PRSS57: variants seen among roughly 807,000 people sequenced by gnomAD.
PRSS57 encodes the protein serine protease 57, also known as neutrophil serine protease 4.
In PRSS57, 19 loss-of-function variants were observed where a neutral mutation model predicts 20.6. The ratio of observed to expected loss-of-function variants is 0.92; its 90% CI spans 0.64 to 1.35. The LOEUF (loss-of-function observed/expected upper bound fraction) is 1.35, where lower values mean the gene tolerates loss of function less well. PRSS57 is among the 40% of genes most tolerant of loss of function. The pLI is 0.00. For missense variants in PRSS57, 440 were observed against 403.7 expected, an observed-to-expected ratio of 1.09 and a Z score of -0.77; for synonymous variants, 203 against 176.6, an observed-to-expected ratio of 1.15 and a Z score of -1.19.
intron 3 of PRSS57, among the ~76,000 whole-genome samples, chr19:689,476 C>T (rs66502878): frequency 0.23 from 35,347 of 151,768 alleles, 4,405 homozygotes; most frequent in East Asian, 0.33. Context: ...ATGGCCCATC[C>T]GGGAGGTCTG....
intron 3 of PRSS57, among the ~76,000 whole-genome samples, chr19:689,750 C>T (rs2031585066): frequency 6.6e-6 from 1 of 152,110 alleles, no homozygotes; most frequent in Non-Finnish European, 1.5e-5. Flanking sequence ...GAAACCCCGT[C>T]TCTACTAAAA....
At chr19:695,321 G>A (rs1031153627) in intron 1 of PRSS57, 31 bp downstream of exon 1, 14 of 1,119,218 alleles carry the variant, frequency 1.3e-5, no homozygotes, top group South Asian at 4.3e-5. Context: ...CTTGGCGGGG[G>A]CCTGGGTGGG....
At chr19:688,440 A>C (rs532666359) in intron 3 of PRSS57, among the ~76,000 whole-genome samples, 5 of 150,306 alleles carry the variant, frequency 3.3e-5, no homozygotes, top group African/African-American at 1.2e-4. Flanking sequence ...TCCCGGGTTC[A>C]AGCGATTCTC....
At chr19:687,722 C>T (rs547202950) in intron 3 of PRSS57, among the ~76,000 whole-genome samples, 1 of 152,214 alleles carries the variant, frequency 6.6e-6, no homozygotes, top group South Asian at 2.1e-4. Context: ...GTCTTTCAAA[C>T]TCCATCTCCT....
At chr19:685,944 G>C (rs752239340) in intron 4 of PRSS57, 22 bp from the exon 5 acceptor site, 25 of 1,517,170 alleles carry the variant, frequency 1.6e-5, no homozygotes, top group African/African-American at 2.8e-5. Context: ...GGAGAGGTGA[G>C]GTCAGGGCCT....
chr19:694,688 T>A, intron 2 of PRSS57, 126 bp downstream of exon 2: 2 of 1,115,454 alleles, frequency 1.8e-6, no homozygotes, highest in Non-Finnish European at 1.2e-6. Flanking sequence ...GCCCTTTAAA[T>A]CCAGCCCCTG....
intron 3 of PRSS57, 53 bp downstream of exon 3, chr19:691,805 C>G: frequency 1.5e-6 from 2 of 1,308,476 alleles, no homozygotes; most frequent in Non-Finnish European, 2.0e-6. Flanking sequence ...AGCGACAGAG[C>G]GAGAGACTGT....
chr19:695,371 C>T lies in PRSS57; in HGVS notation c.60G>A (p.Met20Ile), dbSNP rs768346096. 11 of 1,281,168 alleles carry T rather than the reference C, an allele frequency of 8.6e-6. No individual in the cohort carries two copies. The African/African-American group carries it at 1.2e-4, about 14-fold the overall frequency. 79.4% of individuals were successfully genotyped at this position (1,281,168 alleles called of 1,614,324 possible). ...CCTCACCGGGGGGCTTCACGGGCAG[C>T]ATCAGGGCGGTGGCCACAGTCAGCA... ...RPLLTVATAL[M>I]LPVKPPGSWG... is the part of the protein sequence containing the mutation. Residue 20 changes from methionine (M) to isoleucine (I), a missense_variant, in exon 1 of 5, where the codon ATG becomes ATA. Physicochemically the swap from Met to Ile is conservative, Grantham distance 10. Coordinates refer to ENST00000329267, the MANE Select transcript of PRSS57 (RefSeq NM_001308209.2).
chr19:688,397 G>A (rs957166781), intron 3 of PRSS57, among the ~76,000 whole-genome samples: 1 of 148,778 alleles, frequency 6.7e-6, no homozygotes, highest in Non-Finnish European at 1.5e-5. Flanking sequence ...CTGGAATGCA[G>A]TGGCGCAATC....
chr19:688,483 G>T (rs760046850), intron 3 of PRSS57, among the ~76,000 whole-genome samples: 2 of 140,126 alleles, frequency 1.4e-5, no homozygotes, highest in Non-Finnish European at 3.1e-5. Flanking sequence ...ATTTTGGGAT[G>T]CTGGGTAGAA....
chr19:693,886 C>G (rs1211690438), intron 2 of PRSS57, among the ~76,000 whole-genome samples: 2 of 152,114 alleles, frequency 1.3e-5, no homozygotes, highest in African/African-American at 2.4e-5. Context: ...ACTACAGGCG[C>G]CTGCCACCAC....
chr19:691,814 G>C (rs373226983), intron 3 of PRSS57, 44 bp downstream of exon 3: 1 of 1,317,624 alleles, frequency 7.6e-7, no homozygotes, highest in Non-Finnish European at 9.8e-7. Context: ...GCGAGAGACT[G>C]TCTCAAAAAC....
intron 3 of PRSS57, among the ~76,000 whole-genome samples, chr19:691,336 TCTA>T (rs1398513015): frequency 6.6e-6 from 1 of 151,104 alleles, no homozygotes; most frequent in Non-Finnish European, 1.5e-5. Context: ...AAACCCCATC[TCTA>T]CTAAAAACAC....
Position 687,153 on chromosome 19 carries a change from C to T in PRSS57, c.414G>A (p.Gly138=). The T allele has an allele frequency of 6.3e-7, 1 of 1,593,776 alleles. No homozygotes were observed. The highest frequency in any genetic ancestry group is 8.5e-7 in the Non-Finnish European group (1 of 1,169,904). ...CCCTTCTCCCTGGCGGCCTCAGCAGCCCCACTGCAGGGCCCAGGACAGCAG... is the reference window on the plus strand; with the variant it reads ...CCCTTCTCCCTGGCGGCCTCAGCAGTCCCACTGCAGGGCCCAGGACAGCAG... The part of the protein sequence containing the change: ...NGSAVLGPAV[G]LLRPPGRRAR... Residue 138 remains glycine, a synonymous_variant, in exon 4 of 5, where the codon GGG becomes GGA. Coordinates refer to ENST00000329267, the MANE Select transcript of PRSS57 (RefSeq NM_001308209.2).
rs779650469 is a variant in PRSS57, at chr19:694,940, C to A, written c.107G>T (p.Gly36Val). Residue 36 changes from glycine (G) to valine (V), a missense_variant, in exon 2 of 5, where the codon GGC becomes GTC. By Grantham distance (109) the Gly-to-Val change is moderately radical. Coordinates refer to ENST00000329267, the MANE Select transcript of PRSS57 (RefSeq NM_001308209.2). ...PGSWGAQIIGGHEVTPHSRPY... is the reference protein window; with the variant it reads ...PGSWGAQIIGVHEVTPHSRPY... ...CCTGGAGTGGGGGGTCACCTCGTGG[C>A]CCCCGATGATCTGGGCCCCCCAGGA... The A allele has an allele frequency of 3.2e-6, 5 of 1,572,360 alleles. No individual in the cohort carries two copies. Among genetic ancestry groups the A allele is most frequent in the East Asian group, 4.6e-5 (2 of 43,144 alleles).
intron 2 of PRSS57, among the ~76,000 whole-genome samples, chr19:693,230 C>CTTT (rs71174316): frequency 3.8e-5 from 5 of 131,692 alleles, no homozygotes; most frequent in East Asian, 2.2e-4. Context: ...CGCACCCGGC[C>CTTT]TTTTTTTTTT....
At chr19:689,338 C>T (rs976932712) in intron 3 of PRSS57, among the ~76,000 whole-genome samples, 1 of 151,256 alleles carries the variant, frequency 6.6e-6, no homozygotes, top group East Asian at 2.0e-4. Context: ...CCAGGGCGGC[C>T]TCCTGGGAAG....
intron 3 of PRSS57, among the ~76,000 whole-genome samples, chr19:688,382 C>G (rs542720604): frequency 1.4e-5 from 2 of 147,316 alleles, no homozygotes; most frequent in East Asian, 2.0e-4. Context: ...GCTCTGTTGT[C>G]CAGGCTGGAA....
In PRSS57 at chr19:691,940, T is replaced by C. The variant is rs2031661072; in HGVS notation, c.296A>G (p.Gln99Arg). ...GAGAGCATCGATGCCAAACACCTGC[T>C]GGGTGGGCTCCGCAGTACTCAGGAC... ...AHVLSTAEPT[Q>R]QVFGIDALTT... The change falls in exon 3 of 5, where the codon CAG (glutamine) becomes CGG (arginine). Residue 99 changes from glutamine (Q) to arginine (R), a missense_variant. Transcript: ENST00000329267. 9 of 1,334,798 alleles carry C rather than the reference T, an allele frequency of 6.7e-6. No homozygotes were observed. Among genetic ancestry groups the C allele is most frequent in the Non-Finnish European group, 7.7e-6 (8 of 1,032,982 alleles). The allele number at this position is 1,334,798 out of a possible 1,614,324, so 82.7% of individuals were successfully genotyped here. A position where few individuals can be genotyped will look rare whatever the true frequency, so the allele number is the denominator to read the frequency against.
Sources: allele counts gnomAD v4.1 joint callset (sites outside exome capture counted in the v4.1 genomes callset), GRCh38; gene constraint gnomAD v4.1.1; transcripts MANE v1.5; gene names NCBI Gene and HGNC (gene_info 2026-07-23, HGNC 2026-07-21).